Variants in NSG1 observed in about 807,000 individuals in gnomAD.
NSG1 encodes the protein neuronal vesicle trafficking associated 1, also known as neuronal vesicle trafficking-associated protein 1.
A neutral mutation model predicts 19.3 loss-of-function variants in NSG1; 9 were observed. That is an observed-to-expected ratio of 0.47 (90% CI 0.28 to 0.81). The LOEUF is 0.81. NSG1 is among the 40% of genes least tolerant of loss of function. The pLI is 0.11. For synonymous variants in NSG1, 104 were observed against 107.0 expected, an observed-to-expected ratio of 0.97 and a Z score of 0.17; for missense variants, 236 against 242.4, an observed-to-expected ratio of 0.97 and a Z score of 0.18.
In NSG1 at chr4:4,401,096, T is replaced by C. The variant is rs190554529; in HGVS notation, c.247-8477T>C. ...TGGGCCACCTTGGGCCACCGTGGGA[T>C]GCACAGCAATGAGTACAAATCCCTG... On this transcript the variant is annotated intron_variant, in intron 3 of 4. Coordinates refer to ENST00000621129, the MANE Select transcript of NSG1 (RefSeq NM_014392.5). 2.1e-3 allele frequency among the ~76,000 whole-genome samples: 315 copies of C among 152,348 alleles called. 4 individuals carry two copies. Among genetic ancestry groups the C allele is most frequent in the Admixed American group, 9.9e-3 (151 of 15,306 alleles).
chr4:4,402,900 G>A (rs1039914583), intron 3 of NSG1, among the ~76,000 whole-genome samples: 1 of 152,232 alleles, frequency 6.6e-6, no homozygotes, highest in Admixed American at 6.5e-5. Context: ...ACGGGGCGTG[G>A]ATGGAAGAGC....
At chr4:4,413,730 TAGGGTGACCTC>T (rs1724357198) in intron 4 of NSG1, among the ~76,000 whole-genome samples, 1 of 151,306 alleles carries the variant, frequency 6.6e-6, no homozygotes, top group African/African-American at 2.4e-5. Context: ...GGGGAAGTGA[TAGGGTGACCTC>T]TTGGGTCACC....
chr4:4,397,974 G>A (rs567324143), intron 3 of NSG1, among the ~76,000 whole-genome samples: 1 of 151,990 alleles, frequency 6.6e-6, no homozygotes, highest in Non-Finnish European at 1.5e-5. Flanking sequence ...TACTTTTTGA[G>A]ATGGAGTCTT....
chr4:4,400,963 G>A (rs1723519371), intron 3 of NSG1, among the ~76,000 whole-genome samples: 1 of 152,162 alleles, frequency 6.6e-6, no homozygotes, highest in African/African-American at 2.4e-5. Flanking sequence ...TCATTCTAAG[G>A]ATTTGTGGTT....
In NSG1 at chr4:4,387,623, C is replaced by T. The variant is rs1722796867; in HGVS notation, c.-7C>T. 6.2e-7 allele frequency: 1 copy of T among 1,611,426 alleles called. No homozygotes were observed. The highest frequency in any genetic ancestry group is 8.5e-7 in the Non-Finnish European group (1 of 1,178,826). On this transcript the variant is annotated 5_prime_UTR_variant, in exon 2 of 5. Transcript: ENST00000621129. ...CCGCAGGCTGCAGCCTCGGAGCTCC[C>T]GGAACGATGGTGAAGTTGGGGAACA...
intron 3 of NSG1, among the ~76,000 whole-genome samples, chr4:4,405,731 G>A (rs181825460): frequency 2.6e-5 from 4 of 152,170 alleles, no homozygotes; most frequent in African/African-American, 4.8e-5. Flanking sequence ...ACCACGGGCC[G>A]CCCGCTGACT....
intron 3 of NSG1, among the ~76,000 whole-genome samples, chr4:4,400,553 TAAC>T (rs558635825): frequency 7.0e-4 from 106 of 152,356 alleles, no homozygotes; most frequent in Non-Finnish European, 1.2e-3. Context: ...GTTCCCATCC[TAAC>T]AATATTATGT....
intron 4 of NSG1, among the ~76,000 whole-genome samples, chr4:4,414,332 A>G (rs2108755750): frequency 6.6e-6 from 1 of 151,942 alleles, no homozygotes; most frequent in African/African-American, 2.4e-5. Context: ...GGTGATTCCC[A>G]TCCACAGCCA....
chr4:4,408,461 TATTG>T (rs1229503114), intron 3 of NSG1, among the ~76,000 whole-genome samples: 3 of 152,188 alleles, frequency 2.0e-5, no homozygotes, highest in Admixed American at 1.3e-4. Flanking sequence ...TTTAGCTTTT[TATTG>T]ATTGATTTAT....
intron 3 of NSG1, among the ~76,000 whole-genome samples, chr4:4,400,564 T>C (rs1467757613): frequency 6.6e-6 from 1 of 152,252 alleles, no homozygotes; most frequent in East Asian, 1.9e-4. Context: ...AACAATATTA[T>C]GTTTTTCAAT....
In NSG1 at chr4:4,387,667, C is replaced by G. The variant is rs1194634219; in HGVS notation, c.38C>G (p.Thr13Ser). 1 of 1,613,638 alleles carries G rather than the reference C, an allele frequency of 6.2e-7. No homozygotes were observed. The highest frequency in any genetic ancestry group is 1.1e-5 in the South Asian group (1 of 91,084). ...KLGNNFAEKG[T>S]KQPLLEDGFD... Reference sequence around the variant, plus strand: ...GGGAACAATTTCGCAGAGAAGGGCACCAAGCAGCCGCTGCTGGAGGATGGC... The same window carrying G: ...GGGAACAATTTCGCAGAGAAGGGCAGCAAGCAGCCGCTGCTGGAGGATGGC... Residue 13 changes from threonine to serine, a missense_variant, in exon 2 of 5, where the codon ACC (threonine) becomes AGC (serine). Thr to Ser is a moderately conservative substitution (Grantham distance 58). Transcript: ENST00000621129.
intron 1 of NSG1, 125 bp from the exon 2 acceptor site, chr4:4,387,479 C>G: frequency 1.5e-6 from 1 of 645,636 alleles, no homozygotes; most frequent in Non-Finnish European, 2.7e-6. Flanking sequence ...ACGAGCCCTC[C>G]CCGAGACGAA....
At chr4:4,409,534 C>A in intron 3 of NSG1, 39 bp from the exon 4 acceptor site, 1 of 1,497,956 alleles carries the variant, frequency 6.7e-7, no homozygotes, top group Non-Finnish European at 9.3e-7. Flanking sequence ...TGTCCTGCTG[C>A]CTTCCGGCCA....
At chr4:4,406,062 C>T (rs901605944) in intron 3 of NSG1, among the ~76,000 whole-genome samples, 1 of 152,172 alleles carries the variant, frequency 6.6e-6, no homozygotes, top group African/African-American at 2.4e-5. Context: ...GAGTCTCACT[C>T]TGTTGCCCAG....
chr4:4,417,374 C>G lies in NSG1; in HGVS notation c.497C>G (p.Ser166Ter). 1 of 1,614,210 alleles carries G rather than the reference C, an allele frequency of 6.2e-7. No homozygotes were observed. Among genetic ancestry groups the G allele is most frequent in the Non-Finnish European group, 8.5e-7 (1 of 1,180,046 alleles). ...SITRSVSPWMSVLSEEKLSEQ... is the reference protein window; with the variant it reads ...SITRSVSPWM ...ACGCGCTCCGTATCGCCCTGGATGTCAGTTCTGTCAGAAGAGAAGCTGTCC... is the reference window on the plus strand; with the variant it reads ...ACGCGCTCCGTATCGCCCTGGATGTGAGTTCTGTCAGAAGAGAAGCTGTCC... Residue 166 changes from serine (S) to a stop codon, truncating the protein, a stop_gained, in exon 5 of 5, where the codon TCA becomes TGA. Coordinates refer to ENST00000621129, the MANE Select transcript of NSG1 (RefSeq NM_014392.5). LOFTEE classifies it high-confidence loss of function.
intron 2 of NSG1, among the ~76,000 whole-genome samples, chr4:4,388,762 TG>T (rs1722861038): frequency 6.6e-6 from 1 of 151,980 alleles, no homozygotes; most frequent in Non-Finnish European, 1.5e-5. Context: ...GGTGTCCTGG[TG>T]GGGGCCCTGA....
intron 3 of NSG1, among the ~76,000 whole-genome samples, chr4:4,393,949 G>T (rs1424165724): frequency 6.6e-6 from 1 of 152,198 alleles, no homozygotes; most frequent in East Asian, 1.9e-4. Flanking sequence ...CCTGTTTCCA[G>T]TGCCTTTTGT....
chr4:4,409,156 G>A (rs973388947), intron 3 of NSG1, among the ~76,000 whole-genome samples: 1 of 152,198 alleles, frequency 6.6e-6, no homozygotes. Context: ...CAGGGCTCAG[G>A]ACACATTTGC....
intron 4 of NSG1, among the ~76,000 whole-genome samples, chr4:4,415,584 G>A (rs1724482593): frequency 6.6e-6 from 1 of 151,912 alleles, no homozygotes; most frequent in Non-Finnish European, 1.5e-5. Context: ...GCACCAAGGT[G>A]CCTCCCCAGC....
Sources: allele counts gnomAD v4.1 joint callset (sites outside exome capture counted in the v4.1 genomes callset), GRCh38; gene constraint gnomAD v4.1.1; transcripts MANE v1.5; gene names NCBI Gene and HGNC (gene_info 2026-07-23, HGNC 2026-07-21).